The following MTMR10 variants were observed in gnomAD, a reference collection of about 807,000 sequenced individuals.
MTMR10 encodes myotubularin related protein 10.
MTMR10 carries 56 observed loss-of-function variants against 88.1 expected under a neutral mutation model. The observed-to-expected ratio is 0.64, with a 90% CI of 0.51 to 0.79. The LOEUF is 0.79. Ranked by LOEUF, MTMR10 falls within the 30% of genes least tolerant of loss-of-function variation. The pLI, the probability that MTMR10 is intolerant of heterozygous loss-of-function variation, is 0.00. For synonymous variants in MTMR10, 380 were observed against 340.9 expected (o/e 1.11, Z -1.26); for missense variants, 883 against 924.7 (o/e 0.95, Z 0.58).
At chr15:30,937,050 T>A, downstream of MTMR10, 1 of 1,362,042 alleles carries the variant, frequency 7.3e-7, no homozygotes. Flanking sequence ...CAGTGACAAC[T>A]ACAACTTACT....
At chr15:30,929,379 G>C in the MTMR10 span, 7 of 1,606,968 alleles carry the variant, frequency 4.4e-6, no homozygotes, top group African/African-American at 2.7e-5. Flanking sequence ...ATCGCTTCAC[G>C]TCTCTTCAGC....
the MTMR10 span, chr15:30,920,428 G>C: frequency 1.3e-5 from 9 of 701,214 alleles, no homozygotes; most frequent in Non-Finnish European, 2.2e-5. Flanking sequence ...ACAACTGAAA[G>C]TATTTAGAAT....
chr15:30,923,361 CCTTT>C, the MTMR10 span, among the ~76,000 whole-genome samples: 1 of 152,138 alleles, frequency 6.6e-6, no homozygotes, highest in African/African-American at 2.4e-5. Flanking sequence ...GTTTCTGTCG[CCTTT>C]CTTTCAATGA....
chr15:30,974,901 C>CTAA lies in MTMR10; in HGVS notation c.331+29_331+30insTTA, dbSNP rs1309967238. On this transcript the variant is annotated intron_variant, in intron 4 of 15. Transcript: ENST00000435680. ...AATAATACTTCCAGAGTGGAATTGA[C>CTAA]TTTTAGAGTATGTACGGAATACTAC... 7.3e-6 allele frequency: 10 copies of CTAA among 1,375,648 alleles called. No homozygotes were observed. In the South Asian group the frequency reaches 1.5e-4, roughly 21 times the overall value. The allele number at this position is 1,375,648 out of a possible 1,614,324, so 85.2% of individuals were successfully genotyped here. A position where few individuals can be genotyped will look rare whatever the true frequency, so the allele number is the denominator to read the frequency against.
the MTMR10 span, among the ~76,000 whole-genome samples, chr15:30,929,654 TA>T: frequency 6.9e-5 from 8 of 115,892 alleles, no homozygotes; most frequent in African/African-American, 3.1e-4. Flanking sequence ...ATATATAATA[TA>T]ATATATGAAA....
At chr15:30,929,558 A>ATCT in the MTMR10 span, among the ~76,000 whole-genome samples, 1 of 104,588 alleles carries the variant, frequency 9.6e-6, no homozygotes, top group African/African-American at 4.3e-5. Context: ...TAAAATATAT[A>ATCT]TTATATCTTT....
At chr15:30,962,261 T>C (rs999208373) in intron 6 of MTMR10, among the ~76,000 whole-genome samples, 12 of 152,206 alleles carry the variant, frequency 7.9e-5, no homozygotes, top group Non-Finnish European at 1.5e-5. Flanking sequence ...AAACAAGCTG[T>C]CCCACAAAGT....
chr15:30,972,905 C>A (rs2063554382), intron 5 of MTMR10, among the ~76,000 whole-genome samples: 1 of 152,146 alleles, frequency 6.6e-6, no homozygotes, highest in African/African-American at 2.4e-5. Context: ...CGAAAGAGAT[C>A]CGGTCAATTG....
intron 1 of MTMR10, 60 bp from the exon 2 acceptor site, chr15:30,990,897 A>G: frequency 7.1e-7 from 1 of 1,404,750 alleles, no homozygotes; most frequent in South Asian, 1.3e-5. Context: ...GTAAAATGCT[A>G]CAGCAAATGT....
chr15:30,967,216 G>A (rs2063483321), intron 6 of MTMR10, among the ~76,000 whole-genome samples: 1 of 152,042 alleles, frequency 6.6e-6, no homozygotes, highest in Non-Finnish European at 1.5e-5. Flanking sequence ...TGACAATGGG[G>A]CTAACAGGAG....
At chr15:30,919,387 A>C in the MTMR10 span, among the ~76,000 whole-genome samples, 18 of 149,202 alleles carry the variant, frequency 1.2e-4, no homozygotes, top group Non-Finnish European at 2.4e-4. Flanking sequence ...TCAAAAAAAA[A>C]AAAAAAAAAA....
At position 30,974,437 on chromosome 15, in the gene MTMR10, C is replaced by T; in HGVS notation, c.351G>A (p.Lys117=). The change falls in exon 5 of 16, where the codon AAG becomes AAA. Residue 117 remains lysine, a synonymous_variant. Transcript: ENST00000435680. The part of the protein sequence containing the change: ...QIVTVNDHKR[K]QKVLGPNQKL... ...TCTGGTTGGGGCCTAGGACTTTCTG[C>T]TTCCTCTTGTGGTCGTTTACTAAAA... The T allele has an allele frequency of 6.4e-7, 1 of 1,562,398 alleles. No individual in the cohort carries two copies. Among genetic ancestry groups the T allele is most frequent in the Non-Finnish European group, 8.7e-7 (1 of 1,152,410 alleles).
intron 6 of MTMR10, 143 bp from the exon 7 acceptor site, chr15:30,961,216 G>GC: frequency 8.6e-7 from 1 of 1,167,250 alleles, no homozygotes; most frequent in South Asian, 2.1e-5. Context: ...GAACTGTCTT[G>GC]CCCTTTCCAT....
At chr15:30,952,974 G>A (rs1029787563) in intron 11 of MTMR10, among the ~76,000 whole-genome samples, 2 of 152,124 alleles carry the variant, frequency 1.3e-5, no homozygotes, top group African/African-American at 4.8e-5. Flanking sequence ...ATTTTTAGCA[G>A]AGACAAGGTT....
intron 6 of MTMR10, among the ~76,000 whole-genome samples, chr15:30,961,871 C>T (rs1049188218): frequency 3.3e-5 from 5 of 152,138 alleles, no homozygotes; most frequent in Admixed American, 6.5e-5. Flanking sequence ...TCCTCATCTC[C>T]GTCCCTAATT....
chr15:30,985,217 C>G (rs573241292), intron 2 of MTMR10, among the ~76,000 whole-genome samples: 28 of 152,348 alleles, frequency 1.8e-4, no homozygotes, highest in Non-Finnish European at 3.5e-4. Flanking sequence ...TGCTTCGGCA[C>G]AGCCAGCAAC....
At chr15:30,922,240 C>T in the MTMR10 span, 1,812 of 1,604,774 alleles carry the variant, frequency 1.1e-3, 3 homozygotes, top group Non-Finnish European at 1.4e-3. Flanking sequence ...AATAGGAAGC[C>T]GTCAGAGAAC....
the MTMR10 span, chr15:30,928,345 C>T: frequency 7.7e-7 from 1 of 1,301,354 alleles, no homozygotes; most frequent in South Asian, 2.5e-5. Flanking sequence ...AAGATTTTTG[C>T]CCTTAAGGCT....
the MTMR10 span, among the ~76,000 whole-genome samples, chr15:30,932,043 A>C: frequency 5.3e-5 from 8 of 151,884 alleles, no homozygotes; most frequent in Non-Finnish European, 1.2e-4. Flanking sequence ...TAACATGGTG[A>C]AACCCCGTCT....
Sources: gnomAD v4.1 joint callset for allele counts (sites outside exome capture counted in the v4.1 genomes callset) on GRCh38, gnomAD v4.1.1 for gene constraint, MANE v1.5 for transcripts, NCBI Gene and HGNC (gene_info 2026-07-23, HGNC 2026-07-21) for gene names.